GOSR2: variants seen among roughly 807,000 people sequenced by gnomAD.
GOSR2 encodes the protein golgi SNAP receptor complex member 2.
A neutral mutation model predicts 27.9 loss-of-function variants in GOSR2; 20 were observed. That is an observed-to-expected ratio of 0.72 (90% confidence interval 0.50 to 1.04). The LOEUF is 1.04. GOSR2 is among the 50% of genes least tolerant of loss of function. The pLI is 0.00. For synonymous variants in GOSR2, 91 were observed against 98.8 expected (o/e 0.92, Z 0.47); for missense variants, 261 against 270.5 (o/e 0.97, Z 0.25).
downstream of GOSR2, among the ~76,000 whole-genome samples, chr17:46,967,314 T>A (rs1227794685): frequency 6.6e-6 from 1 of 152,228 alleles, no homozygotes; most frequent in Non-Finnish European, 1.5e-5. Context: ...GGCTTCAGTT[T>A]CCTCAAATGT....
At chr17:46,945,235 G>T (rs548723999), downstream of GOSR2, among the ~76,000 whole-genome samples, 1 of 152,294 alleles carries the variant, frequency 6.6e-6, no homozygotes, top group African/African-American at 2.4e-5. Flanking sequence ...GCTGTCTTCT[G>T]CACGACATCC....
downstream of GOSR2, among the ~76,000 whole-genome samples, chr17:46,971,845 T>G (rs2091395526): frequency 6.6e-6 from 1 of 152,190 alleles, no homozygotes; most frequent in Admixed American, 6.5e-5. Flanking sequence ...GTGTGCATGT[T>G]TTTCTTCTGT....
At chr17:46,951,682 G>C (rs2090359876) in intron 6 of GOSR2, among the ~76,000 whole-genome samples, 1 of 152,174 alleles carries the variant, frequency 6.6e-6, no homozygotes, top group Admixed American at 6.5e-5. Context: ...TCCCAGGCCA[G>C]GGTAATGCTG....
intron 5 of GOSR2, chr17:46,936,359 T>C: frequency 1.0e-6 from 1 of 985,368 alleles, no homozygotes; most frequent in Non-Finnish European, 1.2e-6. Flanking sequence ...AACTTCCCAC[T>C]CAAGTCTGGC....
Position 46,930,866 on chromosome 17 carries a change from T to A in GOSR2, c.95-233T>A, listed in dbSNP as rs1475136770. ...TCTACAGATTTACCTTCAGCTTTTT[T>A]AAAAAATTGGCATTGTTATGTCATT... On this transcript the variant is annotated intron_variant, in intron 2 of 5. Transcript: ENST00000640051. 14 of 480,402 alleles carry A rather than the reference T, an allele frequency of 2.9e-5. No homozygotes were observed. The East Asian group carries it at 3.3e-4, about 11-fold the overall frequency. 29.8% of individuals were successfully genotyped at this position (480,402 alleles called of 1,614,324 possible).
chr17:46,930,228 C>T (rs192300596), intron 2 of GOSR2: 25 of 152,798 alleles, frequency 1.6e-4, no homozygotes, highest in African/African-American at 6.0e-4. Flanking sequence ...CTGTGCCCCA[C>T]CTTGTTCTAA....
intron 2 of GOSR2, chr17:46,930,833 A>G (rs901353420): frequency 9.9e-6 from 4 of 403,992 alleles, no homozygotes; most frequent in African/African-American, 8.1e-5. Flanking sequence ...AAAGGTAGGA[A>G]ATTTATTTCT....
intron 6 of GOSR2, among the ~76,000 whole-genome samples, chr17:46,947,549 T>C (rs1438198330): frequency 6.6e-6 from 1 of 152,154 alleles, no homozygotes; most frequent in African/African-American, 2.4e-5. Flanking sequence ...CTGGACATGA[T>C]CTTTTTAGGT....
At chr17:46,931,326 A>G (rs1362642476) in intron 3 of GOSR2, 119 bp downstream of exon 3, 4 of 707,838 alleles carry the variant, frequency 5.7e-6, no homozygotes, top group Non-Finnish European at 7.8e-6. Context: ...AACTATGACT[A>G]TGCAAAGAAA....
At chr17:46,929,381 T>C in intron 1 of GOSR2, 139 bp from the exon 2 acceptor site, 5 of 696,742 alleles carry the variant, frequency 7.2e-6, no homozygotes, top group African/African-American at 1.7e-5. Flanking sequence ...GGACCTAAAG[T>C]GCCACATACA....
rs1381386644 is a variant in GOSR2 at position 46,935,112 on chromosome 17, CATTTTAGATGGGCACAAT to C, written c.432_449del (p.His145_Gly150del). ...AAGTTCACAACGGCATGGATGACCT[CATTTTAGATGGGCACAAT>C]ATTTTAGATGGACTGAGGACCCAGA... On this transcript the variant is annotated inframe_deletion, in exon 5 of 6. Transcript: ENST00000640051. The C allele has an allele frequency of 6.8e-6, 11 of 1,613,774 alleles. No homozygotes were observed. The highest frequency in any genetic ancestry group is 9.3e-6 in the Non-Finnish European group (11 of 1,179,740).
downstream of GOSR2, among the ~76,000 whole-genome samples, chr17:46,943,996 C>T (rs1892261981): frequency 6.6e-6 from 1 of 152,126 alleles, no homozygotes; most frequent in South Asian, 2.1e-4. Flanking sequence ...GAGGCTGACT[C>T]CTGGCTTAGC....
chr17:46,967,280 CA>C (rs1285775919), downstream of GOSR2, among the ~76,000 whole-genome samples: 1 of 152,244 alleles, frequency 6.6e-6, no homozygotes, highest in Non-Finnish European at 1.5e-5. Context: ...TGCACAACCT[CA>C]AACAAGTCTC....
At position 46,940,679 on chromosome 17, in the gene GOSR2, A is replaced by G. The variant is rs1221648069; in HGVS notation, c.*1919A>G. The G allele has an allele frequency of 6.2e-7, 1 of 1,612,160 alleles. No individual in the cohort carries two copies. The highest frequency in any genetic ancestry group is 8.5e-7 in the Non-Finnish European group (1 of 1,179,848). ...CCCATCATGCGTGGACTGATAGGAC[A>G]TCTTTTCGTGGTGTGCACCAGTGCT... On this transcript the variant is annotated 3_prime_UTR_variant, in exon 6 of 6. Coordinates refer to ENST00000640051, the MANE Select transcript of GOSR2 (RefSeq NM_004287.5).
exon 7 of GOSR2, chr17:46,966,851 G>A (rs2091337685): frequency 2.4e-6 from 1 of 412,726 alleles, no homozygotes; most frequent in Non-Finnish European, 4.3e-6. Flanking sequence ...TTCCTGGCAT[G>A]TGAAGAGCCC....
chr17:46,935,711 G>T, intron 5 of GOSR2: 1 of 988,872 alleles, frequency 1.0e-6, no homozygotes. Context: ...TGATCCCAGC[G>T]ACTCTTCACT....
Position 46,939,014 on chromosome 17 carries a change from G to A in GOSR2, c.*254G>A, listed in dbSNP as rs1361233477. The A allele has an allele frequency of 4.9e-5, 65 of 1,326,054 alleles. 1 individual carries two copies. The South Asian group carries it at 9.0e-4, about 18-fold the overall frequency. The allele number at this position is 1,326,054 out of a possible 1,614,324, so 82.1% of individuals were successfully genotyped here. ...TCCCGGGTCTGTCTCTCTCACTCTC[G>A]CTCTCACTGGGGGAGGGAAAGAATG... On this transcript the variant is annotated 3_prime_UTR_variant, in exon 6 of 6. Transcript: ENST00000640051.
At chr17:46,972,358 T>TAGTGGGA (rs1295548652) in intron 6 of GOSR2, among the ~76,000 whole-genome samples, 2 of 152,194 alleles carry the variant, frequency 1.3e-5, no homozygotes, top group Non-Finnish European at 2.9e-5. Flanking sequence ...AGTCCAGCTA[T>TAGTGGGA]AGTGGGAAGA....
chr17:46,958,678 A>G (rs1309558350), intron 6 of GOSR2, among the ~76,000 whole-genome samples: 5 of 152,230 alleles, frequency 3.3e-5, no homozygotes, highest in African/African-American at 1.2e-4. Flanking sequence ...TCTGATGGAC[A>G]AGAGTTCTCC....
Sources: allele counts gnomAD v4.1 joint callset (sites outside exome capture counted in the v4.1 genomes callset), GRCh38; gene constraint gnomAD v4.1.1; transcripts MANE v1.5; gene names NCBI Gene and HGNC (gene_info 2026-07-23, HGNC 2026-07-21).